The following TLN2 variants were observed in gnomAD, a reference collection of about 807,000 sequenced individuals.
TLN2 encodes the protein talin 2, also known as talin-2.
Under a neutral mutation model 294.7 loss-of-function variants are expected in TLN2, and 118 were observed. The ratio of observed to expected loss-of-function variants is 0.40; its 90% CI spans 0.34 to 0.47. The LOEUF is 0.47. TLN2 is among the 20% of genes least tolerant of loss of function. The pLI is 0.84. For missense variants in TLN2, 3,083 were observed against 3,282.2 expected (o/e 0.94, Z 1.48); for synonymous variants, 1,431 against 1,304.5 (o/e 1.10, Z -2.09).
At chr15:62,678,188 C>T (rs4366667) in intron 11 of TLN2, among the ~76,000 whole-genome samples, 5,037 of 152,184 alleles carry the variant, frequency 0.033, 275 homozygotes, top group African/African-American at 0.11. Flanking sequence ...ACATTGCTCA[C>T]TCCAGTGTTT....
intron 37 of TLN2, chr15:62,758,645 G>A (rs1315802063): frequency 3.3e-5 from 5 of 152,200 alleles, no homozygotes; most frequent in Admixed American, 6.5e-5. Flanking sequence ...CTCTTTAATC[G>A]AATTTGACTT....
At chr15:62,524,792 G>C (rs898655086) in intron 1 of TLN2, among the ~76,000 whole-genome samples, 3 of 152,212 alleles carry the variant, frequency 2.0e-5, no homozygotes, top group African/African-American at 7.2e-5. Flanking sequence ...TTGAGAAACA[G>C]TGGTAGGATC....
At chr15:62,730,666 A>G (rs974503949) in intron 28 of TLN2, among the ~76,000 whole-genome samples, 9 of 152,146 alleles carry the variant, frequency 5.9e-5, no homozygotes, top group African/African-American at 2.2e-4. Flanking sequence ...CACTTTGGAG[A>G]TGTTATTCCA....
chr15:62,698,864 T>A lies in TLN2; in HGVS notation c.1584T>A (p.Asp528Glu), dbSNP rs1377576846. The change falls in exon 16 of 59, where the codon GAT becomes GAA. Residue 528 changes from aspartate (D) to glutamate (E), a missense_variant. Physicochemically the swap from Asp to Glu is conservative, Grantham distance 45. Coordinates refer to ENST00000636159, the MANE Select transcript of TLN2 (RefSeq NM_015059.3). ...ELDSLPPLGQ[D>E]MASRVWVQNK... ...ACTCGCTGCCACCTCTCGGCCAGGA[T>A]ATGGTAAATACTGTTCAGTGGTTTT... 1 of 1,611,898 alleles carries A rather than the reference T, an allele frequency of 6.2e-7. No homozygotes were observed. The highest frequency in any genetic ancestry group is 8.5e-7 in the Non-Finnish European group (1 of 1,179,766).
intron 3 of TLN2, among the ~76,000 whole-genome samples, chr15:62,638,882 A>T (rs1567234838): frequency 6.6e-6 from 1 of 152,098 alleles, no homozygotes. Context: ...ATTTGCCCAG[A>T]TGGAGAACTT....
chr15:62,567,897 A>G (rs1172617266), intron 1 of TLN2, among the ~76,000 whole-genome samples: 1 of 152,076 alleles, frequency 6.6e-6, no homozygotes, highest in Admixed American at 6.5e-5. Context: ...CTTGTGGCAC[A>G]TCATGAACTT....
chr15:62,484,239 C>T (rs1446683361), intron 1 of TLN2, among the ~76,000 whole-genome samples: 2 of 152,062 alleles, frequency 1.3e-5, no homozygotes, highest in Non-Finnish European at 2.9e-5. Flanking sequence ...TGCTCTGGGC[C>T]ACTGGTGTCT....
At position 62,783,779 on chromosome 15, in the gene TLN2, G is replaced by A; in HGVS notation, c.5625G>A (p.Lys1875=). ...TTGTTTTCTTTTTCCAGATGACTAAGTCGGTTACTAACCCGGAGGAGTTGG... is the reference window on the plus strand; with the variant it reads ...TTGTTTTCTTTTTCCAGATGACTAAATCGGTTACTAACCCGGAGGAGTTGG... ...IAVTAQEMMT[K]SVTNPEELGG... is the part of the protein sequence containing the mutation. The change falls in exon 45 of 59, where the codon AAG becomes AAA. Residue 1875 remains lysine (K), a synonymous_variant. Coordinates refer to ENST00000636159, the MANE Select transcript of TLN2 (RefSeq NM_015059.3). 6.2e-7 allele frequency: 1 copy of A among 1,601,634 alleles called. No homozygotes were observed. The highest frequency in any genetic ancestry group is 1.1e-5 in the South Asian group (1 of 90,666).
At chr15:62,772,512 C>T (rs2063409168) in intron 42 of TLN2, among the ~76,000 whole-genome samples, 1 of 152,144 alleles carries the variant, frequency 6.6e-6, no homozygotes, top group Admixed American at 6.6e-5. Flanking sequence ...AAAGGGGTGC[C>T]TCCCCCAAAC....
In TLN2 at chr15:62,814,871, G is replaced by A. The variant is rs1015973399; in HGVS notation, c.6772-4645G>A. Among the ~76,000 whole-genome samples the A allele has an allele frequency of 2.0e-5, 3 of 152,192 alleles. No homozygotes were observed. The East Asian group carries it at 5.8e-4, about 29-fold the overall frequency. On this transcript the variant is annotated intron_variant, in intron 52 of 58. Coordinates refer to ENST00000636159, the MANE Select transcript of TLN2 (RefSeq NM_015059.3). Reference sequence around the variant, plus strand: ...TCTGGGTTAAAATAAGGATAAGAAAGAGGAGTATTGTTTCACACTGAGAGT... The same window carrying A: ...TCTGGGTTAAAATAAGGATAAGAAAAAGGAGTATTGTTTCACACTGAGAGT...
At chr15:62,419,329 T>C (rs1483795302) in intron 1 of TLN2, among the ~76,000 whole-genome samples, 1 of 152,238 alleles carries the variant, frequency 6.6e-6, no homozygotes, top group East Asian at 1.9e-4. Context: ...CAGCTCACAT[T>C]ATATTTCTAT....
chr15:62,782,978 G>A (rs1163663455), intron 44 of TLN2, among the ~76,000 whole-genome samples: 2 of 152,172 alleles, frequency 1.3e-5, no homozygotes, highest in Admixed American at 6.5e-5. Context: ...GAATTTAGAG[G>A]TATTTTTGTC....
At chr15:62,583,312 A>G (rs890284409) in intron 1 of TLN2, among the ~76,000 whole-genome samples, 1 of 152,152 alleles carries the variant, frequency 6.6e-6, no homozygotes, top group Non-Finnish European at 1.5e-5. Flanking sequence ...CTTCCCCCAA[A>G]GGAGACCCTC....
chr15:62,824,689 C>T (rs761138200), intron 54 of TLN2, among the ~76,000 whole-genome samples: 15 of 150,712 alleles, frequency 1.0e-4, no homozygotes, highest in Admixed American at 5.3e-4. Flanking sequence ...AGCCAACAAT[C>T]GGAAAGTAAT....
In TLN2 at chr15:62,748,400, G is replaced by T. The variant is rs946705476; in HGVS notation, c.4075G>T (p.Ala1359Ser). 2 of 1,613,738 alleles carry T rather than the reference G, an allele frequency of 1.2e-6. No homozygotes were observed. Among genetic ancestry groups the T allele is most frequent in the East Asian group, 4.5e-5 (2 of 44,868 alleles). Residue 1359 changes from alanine (A) to serine (S), a missense_variant, in exon 33 of 59, where the codon GCT becomes TCT. Ala to Ser is a moderately conservative substitution (Grantham distance 99). Coordinates refer to ENST00000636159, the MANE Select transcript of TLN2 (RefSeq NM_015059.3). ...NQLITLCTQQAPGQKECDNAL... is the reference protein window; with the variant it reads ...NQLITLCTQQSPGQKECDNAL... ...ACTCATCACTCTGTGTACCCAACAA[G>T]CTCCGGGCCAGAAAGAGTGCGATAA...
intron 1 of TLN2, among the ~76,000 whole-genome samples, chr15:62,499,549 C>T (rs538716156): frequency 6.6e-6 from 1 of 152,140 alleles, no homozygotes; most frequent in East Asian, 1.9e-4. Flanking sequence ...GGCCAACATG[C>T]CAACTGATGA....
At chr15:62,471,662 T>G (rs561119194) in intron 1 of TLN2, among the ~76,000 whole-genome samples, 160 of 152,272 alleles carry the variant, frequency 1.1e-3, no homozygotes, top group Admixed American at 1.8e-3. Flanking sequence ...CAGCCCCTTA[T>G]CTGGGGCCTG....
chr15:62,450,101 C>T (rs1566980493), intron 1 of TLN2, among the ~76,000 whole-genome samples: 2 of 152,164 alleles, frequency 1.3e-5, no homozygotes, highest in Non-Finnish European at 1.5e-5. Flanking sequence ...TGCAGAATCT[C>T]TCCTCTGGCT....
chr15:62,602,427 G>A (rs2140785694), intron 2 of TLN2, among the ~76,000 whole-genome samples: 1 of 152,190 alleles, frequency 6.6e-6, no homozygotes, highest in Non-Finnish European at 1.5e-5. Flanking sequence ...TGTTTTTAGA[G>A]GTTCCTTTTT....
Sources: gnomAD v4.1 joint callset for allele counts (sites outside exome capture counted in the v4.1 genomes callset) on GRCh38, gnomAD v4.1.1 for gene constraint, MANE v1.5 for transcripts, NCBI Gene and HGNC (gene_info 2026-07-23, HGNC 2026-07-21) for gene names.